The following ABCB8 variants were observed in gnomAD, a reference collection of about 807,000 sequenced individuals.
The protein encoded by ABCB8 is ATP binding cassette subfamily B member 8.
In ABCB8, 52 loss-of-function variants were observed where a neutral mutation model predicts 73.0. The ratio of observed to expected loss-of-function variants is 0.71; its 90% CI spans 0.57 to 0.90. The LOEUF (loss-of-function observed/expected upper bound fraction) is 0.90. ABCB8 is among the 40% of genes least tolerant of loss of function. ABCB8 has a pLI of 0.00. For synonymous variants in ABCB8, 428 were observed against 423.5 expected, an observed-to-expected ratio of 1.01 and a Z score of -0.13; for missense variants, 909 against 974.6, an observed-to-expected ratio of 0.93 and a Z score of 0.90.
chr7:151,032,371 G>A (rs1028070431), intron 1 of ABCB8, among the ~76,000 whole-genome samples: 2 of 152,182 alleles, frequency 1.3e-5, no homozygotes, highest in African/African-American at 4.8e-5. Context: ...CCATAACTCC[G>A]AGCAGAGCAC....
chr7:151,042,589 C>T (rs2117238539), intron 14 of ABCB8, among the ~76,000 whole-genome samples: 1 of 152,338 alleles, frequency 6.6e-6, no homozygotes, highest in East Asian at 1.9e-4. Context: ...TGGATGGGCC[C>T]CAGGAGAGGG....
chr7:151,036,700 G>T (rs1796319753), intron 9 of ABCB8, 51 bp downstream of exon 9: 3 of 1,485,060 alleles, frequency 2.0e-6, no homozygotes, highest in Non-Finnish European at 2.8e-6. Flanking sequence ...GCCCTCCAGA[G>T]CCCTGCTGGG....
chr7:151,044,930 C>A (rs1366053093), intron 15 of ABCB8, among the ~76,000 whole-genome samples: 1 of 152,180 alleles, frequency 6.6e-6, no homozygotes, highest in South Asian at 2.1e-4. Context: ...GGGGCTCGTG[C>A]AGGGAGACGG....
chr7:151,047,241 T>C lies in ABCB8; in HGVS notation c.*1892T>C, dbSNP rs1436867188. On this transcript the variant is annotated 3_prime_UTR_variant, in exon 16 of 16. Transcript: ENST00000358849. ...CCCCCTAGAGAAGCAGTGAAACCCC[T>C]TGGCTAGTCCAGCTGGAAGAGCTAG... 4 of 152,076 alleles carry C rather than the reference T, an allele frequency of 2.6e-5. No individual in the cohort carries two copies. Among genetic ancestry groups the C allele is most frequent in the African/African-American group, 9.7e-5 (4 of 41,408 alleles). 9.4% of individuals were successfully genotyped at this position (152,076 alleles called of 1,614,324 possible).
intron 5 of ABCB8, among the ~76,000 whole-genome samples, chr7:151,035,144 G>C (rs1368822806): frequency 6.6e-6 from 1 of 152,204 alleles, no homozygotes; most frequent in African/African-American, 2.4e-5. Flanking sequence ...CTTGTCCCCA[G>C]AGTGCCTGGA....
intron 1 of ABCB8, 70 bp downstream of exon 1, chr7:151,028,680 G>T: frequency 6.3e-7 from 1 of 1,576,262 alleles, no homozygotes; most frequent in Non-Finnish European, 8.6e-7. Flanking sequence ...CCCGCCGGGA[G>T]ATGGAGTCCA....
chr7:151,034,987 A>T (rs1584949397), intron 5 of ABCB8, among the ~76,000 whole-genome samples, 158 bp downstream of exon 5: 1 of 152,172 alleles, frequency 6.6e-6, no homozygotes, highest in East Asian at 1.9e-4. Context: ...GGGACCATGG[A>T]AGTTCATGGA....
intron 1 of ABCB8, among the ~76,000 whole-genome samples, chr7:151,030,939 TGAAAA>T (rs144027118): frequency 0.082 from 12,447 of 152,124 alleles, 705 homozygotes; most frequent in African/African-American, 0.16. Flanking sequence ...GACCCTGTCT[TGAAAA>T]GAAAAGAAAA....
Position 151,042,118 on chromosome 7 carries a change from C to T in ABCB8, c.1765+10C>T, listed in dbSNP as rs753714979. On this transcript the variant is annotated intron_variant, in intron 14 of 15. Coordinates refer to ENST00000358849, the MANE Select transcript of ABCB8 (RefSeq NM_007188.5). ...TACAACACGGTCGTCGGTGGGTGCT[C>T]GGGTCTGCCGGGAACCAGGTGGTGA... is the stretch of plus-strand genomic sequence containing the variant. The T allele has an allele frequency of 4.3e-6, 7 of 1,611,832 alleles. No individual in the cohort carries two copies. The highest frequency in any genetic ancestry group is 1.1e-5 in the South Asian group (1 of 91,024).
At position 151,042,056 on chromosome 7, in the gene ABCB8, G is replaced by A. The variant is rs201093704; in HGVS notation, c.1713G>A (p.Ala571=). The change falls in exon 14 of 16, where the codon GCG becomes GCA. Residue 571 remains alanine, a synonymous_variant. Coordinates refer to ENST00000358849, the MANE Select transcript of ABCB8 (RefSeq NM_007188.5). ...DEEVYTAARE[A]NAHEFITSFP... ...AGGTGTACACAGCCGCCCGGGAAGCGAATGCTCACGAGTTCATCACCAGCT... is the reference window on the plus strand; with the variant it reads ...AGGTGTACACAGCCGCCCGGGAAGCAAATGCTCACGAGTTCATCACCAGCT... The A allele has an allele frequency of 4.5e-5, 72 of 1,613,182 alleles. No homozygotes were observed. The highest frequency in any genetic ancestry group is 1.7e-4 in the Middle Eastern group (1 of 6,060).
intron 5 of ABCB8, 101 bp from the exon 6 acceptor site, chr7:151,035,480 T>C: frequency 7.2e-7 from 1 of 1,390,020 alleles, no homozygotes; most frequent in Non-Finnish European, 9.7e-7. Context: ...ACCTGGGCCT[T>C]GGCCGTGGGA....
chr7:151,041,848 AT>A (rs1446418560), intron 13 of ABCB8, 112 bp from the exon 14 acceptor site: 1 of 1,308,318 alleles, frequency 7.6e-7, no homozygotes, highest in African/African-American at 1.5e-5. Flanking sequence ...TCTTCAAGAG[AT>A]CCTAATCTAA....
intron 1 of ABCB8, among the ~76,000 whole-genome samples, chr7:151,030,435 A>G (rs993924610): frequency 6.6e-6 from 1 of 152,128 alleles, no homozygotes; most frequent in Non-Finnish European, 1.5e-5. Context: ...GAATTGCTCA[A>G]ACCTGGGAGG....
chr7:151,029,379 A>C (rs1434126894), intron 1 of ABCB8, among the ~76,000 whole-genome samples: 1 of 151,452 alleles, frequency 6.6e-6, no homozygotes, highest in Non-Finnish European at 1.5e-5. Flanking sequence ...AGGTTGGTCG[A>C]GAGAGAGAGA....
intron 9 of ABCB8, chr7:151,039,395 A>G (rs1796396749): frequency 6.6e-6 from 1 of 152,436 alleles, no homozygotes; most frequent in Admixed American, 6.5e-5. Context: ...TGCTGGAAGA[A>G]GTGAGTCTGC....
chr7:151,040,693 A>C, intron 11 of ABCB8, 59 bp downstream of exon 11: 1 of 1,600,334 alleles, frequency 6.2e-7, no homozygotes, highest in Non-Finnish European at 8.5e-7. Flanking sequence ...AGGCGAGTGG[A>C]TTCGGGGGTG....
chr7:151,029,023 A>C, intron 1 of ABCB8: 1 of 1,184,378 alleles, frequency 8.4e-7, no homozygotes, highest in South Asian at 1.6e-5. Flanking sequence ...TTCAGCAGGG[A>C]TAAAGAGCCA....
rs773898290 is a variant in ABCB8, at chr7:151,047,494, CAT to C, written c.*2146_*2147del. ...AAGTGTTTATTAATCAAGCACCTGT[CAT>C]GTGCCATTGAGCCCACGATGGGGAA... On this transcript the variant is annotated 3_prime_UTR_variant, in exon 16 of 16. Coordinates refer to ENST00000358849, the MANE Select transcript of ABCB8 (RefSeq NM_007188.5). The C allele has an allele frequency of 6.6e-6, 1 of 152,272 alleles. No individual in the cohort carries two copies. The highest frequency in any genetic ancestry group is 1.5e-5 in the Non-Finnish European group (1 of 68,062). 9.4% of individuals were successfully genotyped at this position (152,272 alleles called of 1,614,324 possible).
At chr7:151,041,831 G>T in intron 13 of ABCB8, 130 bp from the exon 14 acceptor site, 2 of 1,190,912 alleles carry the variant, frequency 1.7e-6, no homozygotes, top group Non-Finnish European at 2.3e-6. Context: ...GACTTTGAAC[G>T]TCTGATTCTT....
Sources: gnomAD v4.1 joint callset for allele counts (sites outside exome capture counted in the v4.1 genomes callset) on GRCh38, gnomAD v4.1.1 for gene constraint, MANE v1.5 for transcripts, NCBI Gene and HGNC (gene_info 2026-07-23, HGNC 2026-07-21) for gene names.